Variants in ZNF592 observed in about 807,000 individuals in gnomAD.
ZNF592 encodes spinocerebellar ataxia, autosomal recessive 5.
A neutral mutation model predicts 80.3 loss-of-function variants in ZNF592; 11 were observed. That is an observed-to-expected ratio of 0.14 (90% CI 0.09 to 0.23). The LOEUF (loss-of-function observed/expected upper bound fraction) is 0.23, where lower values mean the gene tolerates loss of function less well. ZNF592 is among the 10% of genes least tolerant of loss of function. The probability of loss-of-function intolerance (pLI) is 1.00; values close to 1 mark genes in which losing one functional copy is unlikely to be tolerated. For missense variants in ZNF592, 1,420 were observed against 1,633.9 expected, an observed-to-expected ratio of 0.87 and a Z score of 2.26; for synonymous variants, 646 against 640.3, an observed-to-expected ratio of 1.01 and a Z score of -0.13.
Position 84,798,197 on chromosome 15 carries a change from C to A in ZNF592, c.2577-118C>A. 1 of 1,570,678 alleles carries A rather than the reference C, an allele frequency of 6.4e-7. No individual in the cohort carries two copies. Among genetic ancestry groups the A allele is most frequent in the South Asian group, 1.1e-5 (1 of 89,624 alleles). On this transcript the variant is annotated intron_variant, in intron 6 of 10. Coordinates refer to ENST00000560079, the MANE Select transcript of ZNF592 (RefSeq NM_014630.3). This position sits in a 1 kb window ranked among gnomAD's most constrained non-coding sequence, Gnocchi z 4.5. ...AGGATGTCCTGAGGCAGGGGAGCATCCACATTGGCTCAGGGTAGTGCTTTC... is the reference window on the plus strand; with the variant it reads ...AGGATGTCCTGAGGCAGGGGAGCATACACATTGGCTCAGGGTAGTGCTTTC...
chr15:84,788,473 C>A (rs1962650280), intron 4 of ZNF592, among the ~76,000 whole-genome samples: 1 of 152,158 alleles, frequency 6.6e-6, no homozygotes, highest in Admixed American at 6.5e-5. Flanking sequence ...TAATTTGTTT[C>A]TTTTAATTAA....
At chr15:84,793,322 C>T (rs146349978) in intron 5 of ZNF592, among the ~76,000 whole-genome samples, 46 of 152,288 alleles carry the variant, frequency 3.0e-4, no homozygotes, top group Admixed American at 1.6e-3. Flanking sequence ...GGTGATCCAC[C>T]TGGCTTGGCC....
rs1212223957 is a variant in ZNF592 at position 84,799,100 on chromosome 15, A to G, written c.3027A>G (p.Thr1009=). 32 of 1,614,166 alleles carry G rather than the reference A, an allele frequency of 2.0e-5. No homozygotes were observed. The highest frequency in any genetic ancestry group is 2.7e-5 in the Non-Finnish European group (32 of 1,180,024). ...TGTGTTGCCACCTCCTTCCTTAGAC[A>G]TTGAAGCGGTACCCATGCCGGCAGT... ...VSHMKKSHGR[T]LKRYPCRQCE... Residue 1009 remains threonine, a splice_region_variant and synonymous_variant, in exon 9 of 11, where the codon ACA becomes ACG. Transcript: ENST00000560079. The surrounding 1 kb of genome is among the most constrained non-coding windows in gnomAD (Gnocchi z 4.2).
intron 1 of ZNF592, among the ~76,000 whole-genome samples, chr15:84,755,342 G>T (rs192878210): frequency 2.1e-4 from 32 of 151,558 alleles, no homozygotes; most frequent in Non-Finnish European, 1.2e-4. Context: ...ATATTGCCTA[G>T]GCTAGCCTCA....
intron 1 of ZNF592, among the ~76,000 whole-genome samples, chr15:84,752,827 T>C (rs1356217256): frequency 6.6e-6 from 1 of 152,180 alleles, no homozygotes; most frequent in African/African-American, 2.4e-5. Flanking sequence ...TCAGAGCTGA[T>C]TGGATCCAGA....
chr15:84,785,861 C>G (rs777803973), intron 4 of ZNF592, among the ~76,000 whole-genome samples: 17 of 140,402 alleles, frequency 1.2e-4, no homozygotes, highest in African/African-American at 4.3e-4. Context: ...TGATGAGATT[C>G]ATTTAAAAAA....
chr15:84,760,533 G>A (rs1899319007), intron 1 of ZNF592, among the ~76,000 whole-genome samples: 2 of 152,196 alleles, frequency 1.3e-5, no homozygotes, highest in South Asian at 2.1e-4. Context: ...TCTGTTCACT[G>A]TGGTGTCCAC....
chr15:84,758,475 G>C (rs1899247495), intron 1 of ZNF592, among the ~76,000 whole-genome samples: 1 of 151,942 alleles, frequency 6.6e-6, no homozygotes, highest in South Asian at 2.1e-4. Flanking sequence ...TGTAGAGATG[G>C]GGTTTTGCCA....
At chr15:84,791,143 C>T (rs1418010222) in intron 5 of ZNF592, among the ~76,000 whole-genome samples, 1 of 152,176 alleles carries the variant, frequency 6.6e-6, no homozygotes, top group Non-Finnish European at 1.5e-5. Context: ...ACATATAATA[C>T]TTTGTCTATT....
chr15:84,757,905 G>A (rs572397945), intron 1 of ZNF592, among the ~76,000 whole-genome samples: 4 of 147,928 alleles, frequency 2.7e-5, no homozygotes, highest in East Asian at 2.0e-4. Context: ...CAGGCAGTCC[G>A]CCCACCTCGG....
Position 84,783,091 on chromosome 15 carries a change from A to T in ZNF592, c.416A>T (p.Asn139Ile), listed in dbSNP as rs753455165. 1.2e-6 allele frequency: 2 copies of T among 1,614,040 alleles called. No homozygotes were observed. Among genetic ancestry groups the T allele is most frequent in the Non-Finnish European group, 1.7e-6 (2 of 1,180,014 alleles). The change falls in exon 4 of 11, where the codon AAC becomes ATC. Residue 139 changes from asparagine to isoleucine, a missense_variant. Coordinates refer to ENST00000560079, the MANE Select transcript of ZNF592 (RefSeq NM_014630.3). The surrounding 1 kb of genome is among the most constrained non-coding windows in gnomAD (Gnocchi z 5.0). The part of the protein sequence containing the change: ...PPKSEPLPTF[N>I]QFSPISSPEP... The stretch of plus-strand genomic sequence containing the variant: ...AAGTCAGAGCCATTACCCACCTTCA[A>T]CCAGTTCAGTCCAATCTCCAGCCCA...
chr15:84,777,509 A>C (rs1217255655), intron 2 of ZNF592, among the ~76,000 whole-genome samples: 2 of 151,198 alleles, frequency 1.3e-5, no homozygotes. Flanking sequence ...AAAGAAAGGC[A>C]TGGGGTCTCA....
rs1963162274 is a variant in ZNF592 at position 84,803,626 on chromosome 15, A to G, written c.*1233A>G. 6.6e-6 allele frequency: 1 copy of G among 152,230 alleles called. No individual in the cohort carries two copies. 9.4% of individuals were successfully genotyped at this position (152,230 alleles called of 1,614,324 possible). ...TCATCTTTCCTTCAGTTGATTTTCA[A>G]CATAAGAGAACCCCTTACTGGTAAA... On this transcript the variant is annotated 3_prime_UTR_variant, in exon 11 of 11. Transcript: ENST00000560079.
intron 5 of ZNF592, among the ~76,000 whole-genome samples, chr15:84,792,993 C>T (rs1448817907): frequency 6.6e-6 from 1 of 152,144 alleles, no homozygotes; most frequent in Admixed American, 6.5e-5. Flanking sequence ...TAAGTGTATG[C>T]TGCTTGTTCT....
chr15:84,794,557 C>T (rs1054448892), intron 5 of ZNF592, among the ~76,000 whole-genome samples: 1 of 151,898 alleles, frequency 6.6e-6, no homozygotes, highest in Non-Finnish European at 1.5e-5. Flanking sequence ...CTCACTGCAA[C>T]CTCCGCCACC....
In ZNF592 at chr15:84,803,863, C is replaced by G. The variant is rs1453484820; in HGVS notation, c.*1470C>G. On this transcript the variant is annotated 3_prime_UTR_variant, in exon 11 of 11. Coordinates refer to ENST00000560079, the MANE Select transcript of ZNF592 (RefSeq NM_014630.3). ...GCTGTGTGGAGGTGTCGTCTGACCT[C>G]TAACCCAGGTGGCATGGGGTTGCGC... 6.6e-6 allele frequency: 1 copy of G among 152,264 alleles called. No individual in the cohort carries two copies. Among genetic ancestry groups the G allele is most frequent in the Non-Finnish European group, 1.5e-5 (1 of 68,094 alleles). 9.4% of individuals were successfully genotyped at this position (152,264 alleles called of 1,614,324 possible). A position where few individuals can be genotyped will look rare whatever the true frequency, so the allele number is the denominator to read the frequency against.
chr15:84,784,726 G>GGAGAGT lies in ZNF592; in HGVS notation c.2051_2052insGAGAGT (p.Gly684_Leu685insArgVal), dbSNP rs1962539973. On this transcript the variant is annotated inframe_insertion, in exon 4 of 11. Coordinates refer to ENST00000560079, the MANE Select transcript of ZNF592 (RefSeq NM_014630.3). The surrounding 1 kb of genome is among the most constrained non-coding windows in gnomAD (Gnocchi z 5.8). ...GCCCCTTCATCCTCTCCCAAACATG[G>GGAGAGT]CCTCACTTCGGGCAGTGCCAGTCCC... 5.0e-6 allele frequency: 8 copies of GGAGAGT among 1,613,900 alleles called. No homozygotes were observed. Among genetic ancestry groups the GGAGAGT allele is most frequent in the Non-Finnish European group, 6.8e-6 (8 of 1,180,026 alleles).
chr15:84,790,267 A>G (rs980850362), intron 4 of ZNF592, among the ~76,000 whole-genome samples: 2 of 152,150 alleles, frequency 1.3e-5, no homozygotes, highest in Non-Finnish European at 2.9e-5. Context: ...CGAGGTGCTG[A>G]GCAGGTCTCT....
intron 5 of ZNF592, among the ~76,000 whole-genome samples, chr15:84,794,773 G>A (rs770568906): frequency 5.9e-5 from 9 of 152,142 alleles, no homozygotes; most frequent in South Asian, 2.1e-4. Flanking sequence ...CACTGCTCCC[G>A]GCCTGGACTC....
Sources: gnomAD v4.1 joint callset for allele counts (sites outside exome capture counted in the v4.1 genomes callset) on GRCh38, gnomAD v4.1.1 for gene constraint, Gnocchi (gnomAD v3.1) non-coding constraint, MANE v1.5 for transcripts, NCBI Gene and HGNC (gene_info 2026-07-23, HGNC 2026-07-21) for gene names.